DDAH1: variants seen among roughly 807,000 people sequenced by gnomAD.
DDAH1 encodes the protein dimethylarginine dimethylaminohydrolase 1, also known as N(G),N(G)-dimethylarginine dimethylaminohydrolase 1.
Under a neutral mutation model 28.8 loss-of-function variants are expected in DDAH1, and 19 were observed. That is an observed-to-expected ratio of 0.66 (90% CI 0.46 to 0.97). DDAH1 has a LOEUF of 0.97. Among genes scored for constraint, DDAH1 ranks in the 50% least tolerant of loss-of-function variants. DDAH1 has a pLI of 0.00. For missense variants in DDAH1, 326 were observed against 375.9 expected (o/e 0.87, Z 1.10); for synonymous variants, 153 against 154.4 (o/e 0.99, Z 0.07).
At chr1:85,405,630 C>T (rs1017626005) in intron 1 of DDAH1, among the ~76,000 whole-genome samples, 3 of 57,738 alleles carry the variant, frequency 5.2e-5, no homozygotes, top group African/African-American at 1.5e-4. Flanking sequence ...CTAAAAAGTG[C>T]CCTAAAAAAA....
intron 1 of DDAH1, among the ~76,000 whole-genome samples, chr1:85,452,051 C>T (rs1369595512): frequency 6.6e-6 from 1 of 152,152 alleles, no homozygotes; most frequent in Non-Finnish European, 1.5e-5. Context: ...AGACTTTCCA[C>T]CTACACTGTT....
chr1:85,354,564 AG>A (rs1291344334), intron 2 of DDAH1, among the ~76,000 whole-genome samples: 1 of 152,178 alleles, frequency 6.6e-6, no homozygotes. Context: ...AAATTCATAA[AG>A]GAAAGAAAAG....
chr1:85,420,489 G>C (rs1480161606), intron 1 of DDAH1, among the ~76,000 whole-genome samples: 1 of 152,200 alleles, frequency 6.6e-6, no homozygotes, highest in Non-Finnish European at 1.5e-5. Flanking sequence ...CTGCCAGATA[G>C]ATACCCTAGG....
At chr1:85,569,260 G>A (rs945924160) in intron 1 of DDAH1, among the ~76,000 whole-genome samples, 1 of 152,178 alleles carries the variant, frequency 6.6e-6, no homozygotes, top group African/African-American at 2.4e-5. Flanking sequence ...AAAAGTTTGA[G>A]TGGGTCCAGG....
intron 2 of DDAH1, 91 bp downstream of exon 2, chr1:85,358,657 A>G (rs1649618324): frequency 1.9e-6 from 2 of 1,052,588 alleles, no homozygotes; most frequent in African/African-American, 1.6e-5. Context: ...AAAAACAAAA[A>G]CAAAAAAACA....
rs145043508 is a variant in DDAH1 at position 85,348,675 on chromosome 1, T to A, written c.597+1740A>T. 5.3e-5 allele frequency among the ~76,000 whole-genome samples: 8 copies of A among 152,364 alleles called. No homozygotes were observed. In the East Asian group the frequency reaches 1.5e-3, roughly 29 times the overall value. The stretch of plus-strand genomic sequence containing the variant: ...TCTCATTTTTCTCTACAAAGCTTTC[T>A]CTGAATATCTAGGCCTCAGGGAACG... On this transcript the variant is annotated intron_variant, in intron 4 of 5. Transcript: ENST00000284031.
chr1:85,560,942 T>A (rs1237598111), intron 1 of DDAH1, among the ~76,000 whole-genome samples: 2 of 152,120 alleles, frequency 1.3e-5, no homozygotes, highest in Non-Finnish European at 2.9e-5. Context: ...CAAAATTAAC[T>A]GAAATTTTTA....
intron 1 of DDAH1, among the ~76,000 whole-genome samples, chr1:85,505,649 G>C (rs79871522): frequency 8.5e-4 from 129 of 152,270 alleles, no homozygotes; most frequent in African/African-American, 3.0e-3. Flanking sequence ...TTCTTGGCCT[G>C]ATCTTGAGCA....
At chr1:85,451,240 A>G (rs912516007) in intron 1 of DDAH1, among the ~76,000 whole-genome samples, 3 of 152,184 alleles carry the variant, frequency 2.0e-5, no homozygotes, top group Admixed American at 6.5e-5. Context: ...CCACAGCCCA[A>G]TGGATGGAGG....
At chr1:85,504,150 C>T (rs906945308) in intron 1 of DDAH1, among the ~76,000 whole-genome samples, 2 of 152,182 alleles carry the variant, frequency 1.3e-5, no homozygotes, top group African/African-American at 4.8e-5. Flanking sequence ...CCATTAGGAG[C>T]TGTCATAACC....
intron 1 of DDAH1, among the ~76,000 whole-genome samples, chr1:85,421,212 A>G (rs984794254): frequency 6.6e-6 from 1 of 152,248 alleles, no homozygotes; most frequent in African/African-American, 2.4e-5. Flanking sequence ...ATTCAACATG[A>G]GACTTGAATG....
intron 1 of DDAH1, among the ~76,000 whole-genome samples, chr1:85,393,186 G>T (rs941695454): frequency 3.5e-4 from 54 of 152,120 alleles, no homozygotes; most frequent in Non-Finnish European, 5.9e-5. Flanking sequence ...GCATTGTTCT[G>T]TACACTATGT....
chr1:85,336,986 A>G (rs1025879332), intron 4 of DDAH1, among the ~76,000 whole-genome samples: 2 of 152,194 alleles, frequency 1.3e-5, no homozygotes, highest in African/African-American at 4.8e-5. Flanking sequence ...AATCAAAAAG[A>G]TATTACACCA....
At chr1:85,382,756 A>G (rs1651058713) in intron 1 of DDAH1, among the ~76,000 whole-genome samples, 1 of 152,218 alleles carries the variant, frequency 6.6e-6, no homozygotes, top group Non-Finnish European at 1.5e-5. Flanking sequence ...ATTAAAGCCA[A>G]TGCTCATTTA....
intron 4 of DDAH1, among the ~76,000 whole-genome samples, chr1:85,347,465 A>G (rs1413831990): frequency 6.6e-6 from 1 of 152,190 alleles, no homozygotes; most frequent in Non-Finnish European, 1.5e-5. Flanking sequence ...TGTCCTTTGT[A>G]GGGACATGGA....
Position 85,485,237 on chromosome 1 carries a change from T to C in DDAH1, c.-7+10929A>G, listed in dbSNP as rs188403892. ...ATGACAACACAGAGAGACACATAAGTCATATGATAAACAATTGCATGAACT... is the reference window on the plus strand; with the variant it reads ...ATGACAACACAGAGAGACACATAAGCCATATGATAAACAATTGCATGAACT... On this transcript the variant is annotated intron_variant, in intron 2 of 6. Coordinates refer to the DDAH1 transcript ENST00000426972. Among the ~76,000 whole-genome samples the C allele has an allele frequency of 4.5e-4, 69 of 152,220 alleles. 1 individual carries two copies. The highest frequency in any genetic ancestry group is 3.3e-3 in the Admixed American group (50 of 15,292).
chr1:85,425,509 G>T (rs1272413809), intron 1 of DDAH1, among the ~76,000 whole-genome samples: 1 of 152,098 alleles, frequency 6.6e-6, no homozygotes, highest in Non-Finnish European at 1.5e-5. Flanking sequence ...CTTAGAGAAT[G>T]CATTCTTAAG....
intron 1 of DDAH1, among the ~76,000 whole-genome samples, chr1:85,391,567 T>G (rs762414089): frequency 5.4e-4 from 82 of 152,150 alleles, no homozygotes; most frequent in Non-Finnish European, 6.8e-4. Context: ...AATACACATA[T>G]TGGTGAGAAT....
At chr1:85,507,780 C>G (rs551121280) in intron 1 of DDAH1, among the ~76,000 whole-genome samples, 39 of 152,184 alleles carry the variant, frequency 2.6e-4, no homozygotes, top group African/African-American at 6.7e-4. Context: ...GGGACAGCTC[C>G]CCCAGTCCTT....
Sources: gnomAD v4.1 joint callset for allele counts (sites outside exome capture counted in the v4.1 genomes callset) on GRCh38, gnomAD v4.1.1 for gene constraint, MANE v1.5 for transcripts, NCBI Gene and HGNC (gene_info 2026-07-23, HGNC 2026-07-21) for gene names.